The following ARHGAP24 variants were observed in gnomAD, a reference collection of about 807,000 sequenced individuals.
ARHGAP24 encodes rho GTPase-activating protein 24.
In ARHGAP24, 50 loss-of-function variants were observed where a neutral mutation model predicts 76.4. The observed-to-expected ratio is 0.65, with a 90% confidence interval of 0.52 to 0.83. ARHGAP24 has a LOEUF of 0.83. Among genes scored for constraint, ARHGAP24 ranks in the 40% least tolerant of loss-of-function variants. ARHGAP24 has a pLI of 0.00. For synonymous variants in ARHGAP24, 345 were observed against 323.3 expected (o/e 1.07, Z -0.72); for missense variants, 930 against 914.2 (o/e 1.02, Z -0.22).
intron 3 of ARHGAP24, among the ~76,000 whole-genome samples, chr4:85,902,325 T>C (rs1734542164): frequency 6.6e-6 from 1 of 152,196 alleles, no homozygotes; most frequent in African/African-American, 2.4e-5. Flanking sequence ...GACTAACAAC[T>C]AGAGCCTACA....
At chr4:85,634,852 C>G (rs1208072776) in intron 2 of ARHGAP24, among the ~76,000 whole-genome samples, 1 of 151,790 alleles carries the variant, frequency 6.6e-6, no homozygotes, top group East Asian at 1.9e-4. Context: ...AGAATATTCT[C>G]TTTTCCTGTG....
In ARHGAP24 at chr4:85,632,838, A is replaced by T. The variant is rs545975618; in HGVS notation, c.180+62117A>T. Among the ~76,000 whole-genome samples the T allele has an allele frequency of 1.5e-3, 227 of 152,116 alleles. 1 individual carries two copies. Among genetic ancestry groups the T allele is most frequent in the African/African-American group, 5.2e-3 (217 of 41,558 alleles). On this transcript the variant is annotated intron_variant, in intron 2 of 9. Transcript: ENST00000395184. ...AAATGTTTTTAAATATCAGGAGTTA[A>T]AATTAGGCTTTGTTTTCCCTAATGA...
chr4:85,927,042 A>G (rs1355426321), intron 4 of ARHGAP24, among the ~76,000 whole-genome samples: 1 of 152,200 alleles, frequency 6.6e-6, no homozygotes, highest in Non-Finnish European at 1.5e-5. Context: ...AAGTACTAGA[A>G]TTGATACCAT....
Position 85,635,672 on chromosome 4 carries a change from T to C in ARHGAP24, c.180+64951T>C, listed in dbSNP as rs549652698. Among the ~76,000 whole-genome samples, 11 of 152,076 alleles carry C rather than the reference T, an allele frequency of 7.2e-5. No individual in the cohort carries two copies. In the South Asian group the frequency reaches 2.3e-3, roughly 31 times the overall value. On this transcript the variant is annotated intron_variant, in intron 2 of 9. Coordinates refer to ENST00000395184, the MANE Select transcript of ARHGAP24 (RefSeq NM_001025616.3). ...CAGAAAGAATCCAGAGCAGGCAGTT[T>C]GATCGTACAAAGGATTTTAATTTTG...
intron 3 of ARHGAP24, among the ~76,000 whole-genome samples, chr4:85,833,281 T>G (rs569216847): frequency 6.6e-6 from 1 of 152,328 alleles, no homozygotes; most frequent in Admixed American, 6.5e-5. Flanking sequence ...GCTATCGGAA[T>G]AGACTGAACT....
intron 2 of ARHGAP24, among the ~76,000 whole-genome samples, chr4:85,628,779 CTA>C (rs1432862468): frequency 6.6e-6 from 1 of 152,154 alleles, no homozygotes; most frequent in Non-Finnish European, 1.5e-5. Flanking sequence ...GACTTGCATT[CTA>C]TCTTATCTAA....
chr4:85,957,520 G>C (rs1006148140), intron 5 of ARHGAP24, among the ~76,000 whole-genome samples: 20 of 152,096 alleles, frequency 1.3e-4, no homozygotes, highest in African/African-American at 4.6e-4. Context: ...CCTCTTTGAT[G>C]TAATCAGGAG....
chr4:85,845,814 T>A (rs1409564331), intron 3 of ARHGAP24, among the ~76,000 whole-genome samples: 1 of 152,236 alleles, frequency 6.6e-6, no homozygotes, highest in Non-Finnish European at 1.5e-5. Flanking sequence ...ATGCATTTTT[T>A]AATCTAAATA....
chr4:85,870,231 T>C (rs11931275), intron 3 of ARHGAP24, among the ~76,000 whole-genome samples: 19,522 of 152,140 alleles, frequency 0.13, 1,306 homozygotes, highest in African/African-American at 0.15. Flanking sequence ...TTTTCTTTTT[T>C]CCTAAACTTA....
At chr4:85,777,207 T>C (rs182146403) in intron 3 of ARHGAP24, among the ~76,000 whole-genome samples, 4 of 152,356 alleles carry the variant, frequency 2.6e-5, no homozygotes, top group Non-Finnish European at 5.9e-5. Context: ...CCAGAAAATC[T>C]AATTGTCATT....
chr4:85,936,513 C>T (rs1578407676), intron 4 of ARHGAP24, among the ~76,000 whole-genome samples: 1 of 151,962 alleles, frequency 6.6e-6, no homozygotes, highest in East Asian at 1.9e-4. Flanking sequence ...TAAACCTCTC[C>T]GAAGCTCATA....
intron 1 of ARHGAP24, among the ~76,000 whole-genome samples, chr4:85,553,156 C>T (rs1726212731): frequency 6.6e-6 from 1 of 152,110 alleles, no homozygotes; most frequent in Non-Finnish European, 1.5e-5. Context: ...GTCTCGCTGG[C>T]TTCAGGAGTG....
chr4:85,908,490 A>G (rs912671462), intron 3 of ARHGAP24, among the ~76,000 whole-genome samples: 2 of 152,250 alleles, frequency 1.3e-5, no homozygotes, highest in Non-Finnish European at 2.9e-5. Context: ...CTAGATATTT[A>G]GGCTTCTAGG....
chr4:85,575,393 G>A (rs940771363), intron 2 of ARHGAP24, among the ~76,000 whole-genome samples: 3 of 152,120 alleles, frequency 2.0e-5, no homozygotes, highest in African/African-American at 4.8e-5. Flanking sequence ...CAGTTTTTAA[G>A]TAATATCTTT....
At chr4:85,735,013 G>T (rs982413757) in intron 3 of ARHGAP24, among the ~76,000 whole-genome samples, 5 of 151,980 alleles carry the variant, frequency 3.3e-5, no homozygotes, top group African/African-American at 1.2e-4. Flanking sequence ...CAGAGAAACT[G>T]CCCCTTTTCC....
intron 2 of ARHGAP24, among the ~76,000 whole-genome samples, chr4:85,719,286 G>C (rs1272286091): frequency 1.3e-5 from 2 of 152,134 alleles, no homozygotes; most frequent in African/African-American, 4.8e-5. Context: ...CTATAGGCCA[G>C]AGAAAACTAG....
intron 6 of ARHGAP24, among the ~76,000 whole-genome samples, chr4:85,974,624 T>C (rs1270299723): frequency 6.6e-6 from 1 of 152,248 alleles, no homozygotes; most frequent in Non-Finnish European, 1.5e-5. Context: ...TTCAGTCAAT[T>C]GTGAGCATAT....
rs753807502 is a variant in ARHGAP24 at position 86,000,647 on chromosome 4, G to GT, written c.2179dup (p.Ser727PhefsTer45). ...ACATGCTACAGAAAGAAATGGAGCA[G>GT]TTTTTTTCCACGTTTGGAGAACTGA... On this transcript the variant is annotated frameshift_variant, in exon 10 of 10. Transcript: ENST00000395184. LOFTEE classifies it high-confidence loss of function. 2 of 1,613,972 alleles carry GT rather than the reference G, an allele frequency of 1.2e-6. No individual in the cohort carries two copies. The highest frequency in any genetic ancestry group is 8.5e-7 in the Non-Finnish European group (1 of 1,179,950).
intron 3 of ARHGAP24, among the ~76,000 whole-genome samples, chr4:85,860,304 C>T (rs184688262): frequency 6.6e-6 from 1 of 152,036 alleles, no homozygotes; most frequent in Admixed American, 6.6e-5. Context: ...CGAGGGCTCA[C>T]TCATATATGA....
Sources: allele counts gnomAD v4.1 joint callset (sites outside exome capture counted in the v4.1 genomes callset), GRCh38; gene constraint gnomAD v4.1.1; transcripts MANE v1.5; gene names NCBI Gene and HGNC (gene_info 2026-07-23, HGNC 2026-07-21).